The following MGAT3 variants were observed in gnomAD, a reference collection of about 807,000 sequenced individuals.
MGAT3 encodes the protein beta-1,4-mannosyl-glycoprotein 4-beta-N-acetylglucosaminyltransferase.
A neutral mutation model predicts 29.8 loss-of-function variants in MGAT3; 9 were observed. The ratio of observed to expected loss-of-function variants is 0.30; its 90% CI spans 0.18 to 0.53. MGAT3 has a LOEUF of 0.53. Ranked by LOEUF, MGAT3 falls within the 20% of genes least tolerant of loss-of-function variation. MGAT3 has a pLI of 0.96. For missense variants in MGAT3, 557 were observed against 769.5 expected, an observed-to-expected ratio of 0.72 and a Z score of 3.27; for synonymous variants, 397 against 348.9, an observed-to-expected ratio of 1.14 and a Z score of -1.54.
At position 39,488,751 on chromosome 22, in the gene MGAT3, G is replaced by A. The variant is rs758299553; in HGVS notation, c.1404G>A (p.Thr468=). Residue 468 remains threonine, a synonymous_variant, in exon 2 of 2, where the codon ACG becomes ACA. Transcript: ENST00000341184. ...LIRTGGWFDG[T]QQEYPPADPS... ...GCACCGGGGGCTGGTTCGACGGCACGCAGCAGGAGTACCCGCCTGCAGACC... is the reference window on the plus strand; with the variant it reads ...GCACCGGGGGCTGGTTCGACGGCACACAGCAGGAGTACCCGCCTGCAGACC... 3.1e-6 allele frequency: 5 copies of A among 1,612,878 alleles called. No individual in the cohort carries two copies. The East Asian group carries it at 6.7e-5, about 22-fold the overall frequency.
intron 1 of MGAT3, among the ~76,000 whole-genome samples, chr22:39,469,741 A>G (rs1425342510): frequency 6.6e-6 from 1 of 152,216 alleles, no homozygotes; most frequent in Non-Finnish European, 1.5e-5. Context: ...CGCTCCGCTC[A>G]GCCCGCCAGG....
At position 39,487,369 on chromosome 22, in the gene MGAT3, C is replaced by G; in HGVS notation, c.22C>G (p.Leu8Val). 1.2e-6 allele frequency: 2 copies of G among 1,613,210 alleles called. No homozygotes were observed. Among genetic ancestry groups the G allele is most frequent in the Non-Finnish European group, 1.7e-6 (2 of 1,179,886 alleles). Residue 8 changes from leucine to valine, a missense_variant, in exon 2 of 2, where the codon CTC becomes GTC. Physicochemically the swap from Leu to Val is conservative, Grantham distance 32. Coordinates refer to ENST00000341184, the MANE Select transcript of MGAT3 (RefSeq NM_002409.5). This position sits in a 1 kb window ranked among gnomAD's most constrained non-coding sequence, Gnocchi z 5.7. ...CAGGATGAAGATGAGACGCTACAAG[C>G]TCTTTCTCATGTTCTGTATGGCCGG... MKMRRYK[L>V]FLMFCMAGLC...
intron 1 of MGAT3, among the ~76,000 whole-genome samples, chr22:39,463,164 C>A (rs909674): frequency 0.8 from 122,364 of 152,226 alleles, 49,892 homozygotes; most frequent in East Asian, 1. Flanking sequence ...TCAAGCACTT[C>A]CTATGTGCTG....
chr22:39,485,314 CATAAAACGAGGGATCCAA>C (rs1023433879), intron 1 of MGAT3, among the ~76,000 whole-genome samples: 53 of 152,280 alleles, frequency 3.5e-4, no homozygotes, highest in African/African-American at 1.2e-3. Context: ...ACGGCTCATT[CATAAAACGAGGGATCCAA>C]ATCCAGCATG....
At chr22:39,481,009 C>A (rs562063140) in intron 1 of MGAT3, among the ~76,000 whole-genome samples, 2 of 152,356 alleles carry the variant, frequency 1.3e-5, no homozygotes, top group African/African-American at 4.8e-5. Flanking sequence ...GCAGAGCAGC[C>A]AAAGTGAGCC....
At chr22:39,479,167 T>C (rs1285189694) in intron 1 of MGAT3, among the ~76,000 whole-genome samples, 1 of 152,080 alleles carries the variant, frequency 6.6e-6, no homozygotes, top group Non-Finnish European at 1.5e-5. Flanking sequence ...GGAGACCTCC[T>C]CTCTACAAAA....
intron 1 of MGAT3, among the ~76,000 whole-genome samples, chr22:39,474,993 C>T (rs1398092086): frequency 2.0e-5 from 3 of 152,160 alleles, no homozygotes; most frequent in Admixed American, 1.3e-4. Context: ...CCCAGCCCAG[C>T]GCCCCTGCCT....
intron 1 of MGAT3, among the ~76,000 whole-genome samples, chr22:39,476,267 G>T (rs897851435): frequency 1.7e-4 from 26 of 152,324 alleles, no homozygotes; most frequent in African/African-American, 5.8e-4. Context: ...CTCCACCCTG[G>T]AGCTGAGCCA....
At chr22:39,464,658 C>T (rs975938317) in intron 1 of MGAT3, among the ~76,000 whole-genome samples, 3 of 152,002 alleles carry the variant, frequency 2.0e-5, no homozygotes, top group Admixed American at 2.0e-4. Context: ...CCAGGCTGGT[C>T]TCCAACTCCT....
chr22:39,458,913 C>A (rs1928418924), intron 1 of MGAT3, among the ~76,000 whole-genome samples: 1 of 152,114 alleles, frequency 6.6e-6, no homozygotes, highest in Non-Finnish European at 1.5e-5. Context: ...GAGGGCACAG[C>A]AGGGAGCTGG....
chr22:39,473,826 G>GT (rs896633340), intron 1 of MGAT3, among the ~76,000 whole-genome samples: 66 of 151,968 alleles, frequency 4.3e-4, no homozygotes, highest in African/African-American at 1.5e-3. Flanking sequence ...GGAAGTTAAG[G>GT]GGAGGAGGGG....
In MGAT3 at chr22:39,487,555, C is replaced by G. The variant is rs1929311911; in HGVS notation, c.208C>G (p.Leu70Val). The change falls in exon 2 of 2, where the codon CTG (leucine) becomes GTG (valine). Residue 70 changes from leucine to valine, a missense_variant. By Grantham distance (32) the Leu-to-Val change is conservative. Around this residue, in one of 3 missense-constraint regions of MGAT3, gnomAD observed 212 missense variants for 228.5 expected, o/e 0.93. Transcript: ENST00000341184. This position sits in a 1 kb window ranked among gnomAD's most constrained non-coding sequence, Gnocchi z 5.7. ...ASPEPGGPDL[L>V]RTPLYSHSPL... Reference sequence around the variant, plus strand: ...CCCCGAGCCAGGAGGCCCTGACCTGCTGCGTACCCCACTCTACTCCCACTC... The same window carrying G: ...CCCCGAGCCAGGAGGCCCTGACCTGGTGCGTACCCCACTCTACTCCCACTC... The G allele has an allele frequency of 1.9e-6, 3 of 1,612,668 alleles. No individual in the cohort carries two copies. In the South Asian group the frequency reaches 3.3e-5, roughly 18 times the overall value.
In MGAT3 at chr22:39,490,251, A is replaced by C. The variant is rs553034538; in HGVS notation, c.*1302A>C. On this transcript the variant is annotated 3_prime_UTR_variant, in exon 2 of 2. Transcript: ENST00000341184. Reference sequence around the variant, plus strand: ...GCATCCAAGCCTGGGGGAAGCAGAAATAGACAAGAGGGCACACCCACTTTT... The same window carrying C: ...GCATCCAAGCCTGGGGGAAGCAGAACTAGACAAGAGGGCACACCCACTTTT... 6.0e-6 allele frequency: 1 copy of C among 167,244 alleles called. No homozygotes were observed. Among genetic ancestry groups the C allele is most frequent in the African/African-American group, 2.4e-5 (1 of 41,580 alleles). 10.4% of individuals were successfully genotyped at this position (167,244 alleles called of 1,614,324 possible).
At chr22:39,460,094 A>T (rs1287546029) in intron 1 of MGAT3, among the ~76,000 whole-genome samples, 1 of 152,142 alleles carries the variant, frequency 6.6e-6, no homozygotes, top group African/African-American at 2.4e-5. Flanking sequence ...ATGGGCACCC[A>T]CCCGCCCAGC....
In MGAT3 at chr22:39,488,255, G is replaced by C. The variant is rs766368217; in HGVS notation, c.908G>C (p.Arg303Pro). ...RTFLTQDGVS[R>P]LRNLRPDDVF... ...TTCCTCACCCAGGACGGCGTCTCGC[G>C]GCTGCGCAACCTGCGGCCCGACGAC... Residue 303 changes from arginine (R) to proline (P), a missense_variant, in exon 2 of 2, where the codon CGG (arginine) becomes CCG (proline). Transcript: ENST00000341184. 6.2e-7 allele frequency: 1 copy of C among 1,611,586 alleles called. No homozygotes were observed. Among genetic ancestry groups the C allele is most frequent in the Non-Finnish European group, 8.5e-7 (1 of 1,179,854 alleles).
At chr22:39,479,713 T>C (rs1301009313) in intron 1 of MGAT3, among the ~76,000 whole-genome samples, 4 of 152,150 alleles carry the variant, frequency 2.6e-5, no homozygotes, top group Non-Finnish European at 5.9e-5. Flanking sequence ...AAAACAGAGG[T>C]ACAGAAAAGT....
intron 1 of MGAT3, among the ~76,000 whole-genome samples, chr22:39,479,028 C>T (rs1195933675): frequency 1.3e-5 from 2 of 152,188 alleles, no homozygotes; most frequent in Non-Finnish European, 2.9e-5. Flanking sequence ...AGCACCTGGC[C>T]CATGCTCTAC....
Position 39,469,007 on chromosome 22 carries a change from G to A in MGAT3, c.-2+11450G>A, listed in dbSNP as rs1275104212. ...GATGTGGCTTTCGCTTGGCTCATGG[G>A]GGCCGGGTTGGGGGCCCATTGAGGA... is the stretch of plus-strand genomic sequence containing the variant. On this transcript the variant is annotated intron_variant, in intron 1 of 1. Transcript: ENST00000341184. 2.0e-5 allele frequency among the ~76,000 whole-genome samples: 3 copies of A among 151,932 alleles called. No homozygotes were observed. In the East Asian group the frequency reaches 5.8e-4, roughly 29 times the overall value.
intron 1 of MGAT3, among the ~76,000 whole-genome samples, chr22:39,484,271 CAA>C (rs1467386887): frequency 1.3e-5 from 2 of 152,172 alleles, no homozygotes; most frequent in Non-Finnish European, 2.9e-5. Flanking sequence ...TTGAAGGGAA[CAA>C]GAGCTTATTG....
Sources: allele counts gnomAD v4.1 joint callset (sites outside exome capture counted in the v4.1 genomes callset), GRCh38; gene constraint gnomAD v4.1.1; regional missense constraint gnomAD v4.1.1; non-coding constraint Gnocchi (gnomAD v3.1); transcripts MANE v1.5; gene names NCBI Gene and HGNC (gene_info 2026-07-23, HGNC 2026-07-21).